The following GPR55 variants were observed in gnomAD, a reference collection of about 807,000 sequenced individuals.
GPR55 encodes G-protein coupled receptor 55.
GPR55 carries 6 observed loss-of-function variants against 7.9 expected under a neutral mutation model. That is an observed-to-expected ratio of 0.76 (90% CI 0.41 to 1.49). The LOEUF (loss-of-function observed/expected upper bound fraction) is 1.49, where lower values mean the gene tolerates loss of function less well. GPR55 is among the 40% of genes most tolerant of loss of function. The pLI, the probability that GPR55 is intolerant of heterozygous loss-of-function variation, is 0.01. For synonymous variants in GPR55, 183 were observed against 166.8 expected, an observed-to-expected ratio of 1.10 and a Z score of -0.75; for missense variants, 376 against 406.0, an observed-to-expected ratio of 0.93 and a Z score of 0.63.
chr2:230,946,005 T>A (rs1443948931), intron 1 of GPR55, among the ~76,000 whole-genome samples: 1 of 152,196 alleles, frequency 6.6e-6, no homozygotes, highest in Admixed American at 6.5e-5. Context: ...ATTAAAAACA[T>A]ATACACAATG....
At chr2:230,920,866 A>G (rs1267289638) in intron 1 of GPR55, among the ~76,000 whole-genome samples, 3 of 152,180 alleles carry the variant, frequency 2.0e-5, no homozygotes, top group African/African-American at 4.8e-5. Context: ...ATTTATAAAC[A>G]ATTGTTAATA....
At chr2:230,960,710 G>A (rs1691554216) in intron 1 of GPR55, 1 of 152,160 alleles carries the variant, frequency 6.6e-6, no homozygotes, top group Non-Finnish European at 1.5e-5. Flanking sequence ...GAGAATGGTA[G>A]TCACAGGCAA....
chr2:230,957,944 G>A, intron 1 of GPR55: 1 of 479,610 alleles, frequency 2.1e-6, no homozygotes, highest in South Asian at 1.7e-5. Context: ...AAGGGCAACA[G>A]CAGCAATTGA....
At chr2:230,926,342 C>T (rs1200219487), upstream of GPR55, among the ~76,000 whole-genome samples, 2 of 152,212 alleles carry the variant, frequency 1.3e-5, no homozygotes, top group Admixed American at 6.5e-5. Context: ...TGCTCCAGGC[C>T]GTGGAGCCCC....
chr2:230,917,713 G>A (rs1690747991), intron 1 of GPR55, among the ~76,000 whole-genome samples: 2 of 152,144 alleles, frequency 1.3e-5, no homozygotes, highest in South Asian at 4.1e-4. Flanking sequence ...AGAGGCAGAG[G>A]TTAAGGCAAG....
chr2:230,952,046 G>A (rs564988138), intron 1 of GPR55, among the ~76,000 whole-genome samples: 25 of 152,130 alleles, frequency 1.6e-4, no homozygotes, highest in Non-Finnish European at 3.2e-4. Context: ...GATTACAGGT[G>A]TGAGCCACCA....
chr2:230,958,603 C>G (rs1392716852), intron 1 of GPR55, among the ~76,000 whole-genome samples: 1 of 152,180 alleles, frequency 6.6e-6, no homozygotes, highest in Non-Finnish European at 1.5e-5. Flanking sequence ...TAACTGTCTA[C>G]CTCCATGAGT....
At chr2:230,950,907 TA>T (rs1691391887) in intron 1 of GPR55, among the ~76,000 whole-genome samples, 1 of 152,074 alleles carries the variant, frequency 6.6e-6, no homozygotes, top group Non-Finnish European at 1.5e-5. Context: ...GAAGCTTCCA[TA>T]AAAACCCCAA....
chr2:230,933,400 T>G (rs1691080435), intron 1 of GPR55, among the ~76,000 whole-genome samples: 1 of 152,148 alleles, frequency 6.6e-6, no homozygotes, highest in Admixed American at 6.5e-5. Context: ...ATGTCCCTGC[T>G]AGGGGAAGTC....
intron 1 of GPR55, among the ~76,000 whole-genome samples, chr2:230,958,548 C>A (rs1691525834): frequency 6.6e-6 from 1 of 152,166 alleles, no homozygotes; most frequent in Non-Finnish European, 1.5e-5. Flanking sequence ...TGCCCCCACC[C>A]CTGCAACCAC....
chr2:230,945,625 T>G (rs893979007), intron 1 of GPR55, among the ~76,000 whole-genome samples: 1 of 152,212 alleles, frequency 6.6e-6, no homozygotes, highest in Admixed American at 6.5e-5. Flanking sequence ...CAGGCTGGAG[T>G]GCAGTGGCAC....
At chr2:230,912,364 G>T (rs1246750081) in intron 1 of GPR55, among the ~76,000 whole-genome samples, 1 of 152,188 alleles carries the variant, frequency 6.6e-6, no homozygotes. Context: ...TCAGGGAGGA[G>T]ACATCAGCAT....
Position 230,924,662 on chromosome 2 carries a change from G to A in GPR55, c.-135+506C>T, listed in dbSNP as rs1197937874. Reference sequence around the variant, plus strand: ...GAGAAATTACGCAGCTGGTGAGTGGGTGAGCCTGGGCTCCCAGGCTCCTTC... The same window carrying A: ...GAGAAATTACGCAGCTGGTGAGTGGATGAGCCTGGGCTCCCAGGCTCCTTC... On this transcript the variant is annotated intron_variant, in intron 1 of 1. Transcript: ENST00000650999. This position sits in a 1 kb window ranked among gnomAD's most constrained non-coding sequence, Gnocchi z 4.5. The A allele has an allele frequency of 6.6e-6, 1 of 152,170 alleles. No homozygotes were observed. Among genetic ancestry groups the A allele is most frequent in the Non-Finnish European group, 1.5e-5 (1 of 68,064 alleles). The allele number at this position is 152,170 out of a possible 1,614,324, so 9.4% of individuals were successfully genotyped here.
intron 1 of GPR55, among the ~76,000 whole-genome samples, chr2:230,918,724 T>C (rs1690769611): frequency 1.3e-5 from 2 of 152,184 alleles, no homozygotes. Context: ...TCAGATTCAC[T>C]ATAGAAATGT....
At chr2:230,957,873 A>G in intron 1 of GPR55, 1 of 581,574 alleles carries the variant, frequency 1.7e-6, no homozygotes, top group Non-Finnish European at 3.3e-6. Flanking sequence ...TTGCCAGAGA[A>G]GGAATTAAAA....
At chr2:230,959,697 C>A (rs1691541103) in intron 1 of GPR55, among the ~76,000 whole-genome samples, 1 of 152,010 alleles carries the variant, frequency 6.6e-6, no homozygotes, top group African/African-American at 2.4e-5. Flanking sequence ...AGAAAACAAT[C>A]AGAGCAACAG....
At chr2:230,921,511 A>G (rs1017463833) in intron 1 of GPR55, among the ~76,000 whole-genome samples, 1 of 152,260 alleles carries the variant, frequency 6.6e-6, no homozygotes, top group Non-Finnish European at 1.5e-5. Context: ...CATATTAAAA[A>G]TACAGGCATT....
rs535755517 is a variant in GPR55 at position 230,908,626 on chromosome 2, C to T, written c.*1377G>A. The T allele has an allele frequency of 6.5e-6, 1 of 152,954 alleles. No individual in the cohort carries two copies. Among genetic ancestry groups the T allele is most frequent in the Non-Finnish European group, 1.5e-5 (1 of 68,364 alleles). The allele number at this position is 152,954 out of a possible 1,614,324, so 9.5% of individuals were successfully genotyped here. Reference sequence around the variant, plus strand: ...CTTCAGCCCCCACTGAGCCCAGATCCTACAAGTAGACCTCAGTTGCTTTTC... The same window carrying T: ...CTTCAGCCCCCACTGAGCCCAGATCTTACAAGTAGACCTCAGTTGCTTTTC... On this transcript the variant is annotated 3_prime_UTR_variant, in exon 2 of 2. Coordinates refer to ENST00000650999, the MANE Select transcript of GPR55 (RefSeq NM_005683.4).
chr2:230,938,147 A>C (rs1032345435), intron 1 of GPR55, among the ~76,000 whole-genome samples: 4 of 89,682 alleles, frequency 4.5e-5, no homozygotes, highest in African/African-American at 1.2e-4. Flanking sequence ...ACCCTGTCTC[A>C]AAAAAAAAAA....
Sources: allele counts gnomAD v4.1 joint callset (sites outside exome capture counted in the v4.1 genomes callset), GRCh38; gene constraint gnomAD v4.1.1; non-coding constraint Gnocchi (gnomAD v3.1); transcripts MANE v1.5; gene names NCBI Gene and HGNC (gene_info 2026-07-23, HGNC 2026-07-21).